DLG2: variants seen among roughly 807,000 people sequenced by gnomAD.
DLG2 encodes discs large MAGUK scaffold protein 2.
A neutral mutation model predicts 132.5 loss-of-function variants in DLG2; 45 were observed. That is an observed-to-expected ratio of 0.34 (90% CI 0.27 to 0.44). The LOEUF (loss-of-function observed/expected upper bound fraction) is 0.44, where lower values mean the gene tolerates loss of function less well. Among genes scored for constraint, DLG2 ranks in the 20% least tolerant of loss-of-function variants. The probability of loss-of-function intolerance (pLI) is 1.00; values close to 1 mark genes in which losing one functional copy is unlikely to be tolerated. For missense variants in DLG2, 1,045 were observed against 1,196.9 expected (o/e 0.87, Z 1.87); for synonymous variants, 424 against 419.6 (o/e 1.01, Z -0.13).
chr11:85,238,164 C>T lies in DLG2; in HGVS notation c.186+47056G>A, dbSNP rs138430221. ...TCTGCTGCCTATTGGTCAGAGGCTG[C>T]TTTTCCTATTATCTTAACTTTTTTT... is the stretch of plus-strand genomic sequence containing the variant. On this transcript the variant is annotated intron_variant, in intron 4 of 27. Coordinates refer to ENST00000376104, the MANE Select transcript of DLG2 (RefSeq NM_001142699.3). 3.5e-3 allele frequency among the ~76,000 whole-genome samples: 528 copies of T among 150,656 alleles called. 3 individuals are homozygous for T. Among genetic ancestry groups the T allele is most frequent in the African/African-American group, 0.013 (518 of 41,208 alleles).
intron 7 of DLG2, among the ~76,000 whole-genome samples, chr11:84,358,687 G>T (rs1046977256): frequency 2.0e-5 from 3 of 151,842 alleles, no homozygotes; most frequent in Non-Finnish European, 4.4e-5. Context: ...GTCAGGAAAT[G>T]TTCTGTTCCA....
At chr11:85,624,065 A>G (rs1258309787) in intron 2 of DLG2, among the ~76,000 whole-genome samples, 2 of 152,100 alleles carry the variant, frequency 1.3e-5, no homozygotes, top group African/African-American at 4.8e-5. Flanking sequence ...ACTGCTGAGG[A>G]AAAAAAACCT....
chr11:83,535,225 T>A (rs1281034159), intron 20 of DLG2, among the ~76,000 whole-genome samples: 2 of 152,228 alleles, frequency 1.3e-5, no homozygotes, highest in Non-Finnish European at 1.5e-5. Flanking sequence ...TATTTCAGCT[T>A]CTTTGCATTA....
intron 19 of DLG2, among the ~76,000 whole-genome samples, chr11:83,560,768 GA>G (rs1217432003): frequency 9.2e-5 from 14 of 152,174 alleles, no homozygotes; most frequent in Non-Finnish European, 1.8e-4. Context: ...TCAAGAGGGG[GA>G]AAAAACTATT....
At chr11:85,552,429 C>T (rs913305445) in intron 3 of DLG2, among the ~76,000 whole-genome samples, 1 of 151,468 alleles carries the variant, frequency 6.6e-6, no homozygotes, top group Middle Eastern at 3.4e-3. Flanking sequence ...TTTTCACTTA[C>T]CAAAAGGGAG....
intron 4 of DLG2, among the ~76,000 whole-genome samples, chr11:85,175,675 C>A (rs1230796926): frequency 1.3e-5 from 2 of 152,152 alleles, no homozygotes; most frequent in African/African-American, 4.8e-5. Context: ...GTCAAATTAT[C>A]TTTCTTTGCA....
At chr11:84,944,588 T>TA (rs1332310687) in intron 6 of DLG2, among the ~76,000 whole-genome samples, 1 of 148,150 alleles carries the variant, frequency 6.7e-6, no homozygotes, top group Non-Finnish European at 1.5e-5. Context: ...TGTTTTTAAT[T>TA]ATTTCAGTCT....
At chr11:83,947,450 A>C (rs11233842) in intron 14 of DLG2, among the ~76,000 whole-genome samples, 4,387 of 152,242 alleles carry the variant, frequency 0.029, 123 homozygotes, top group East Asian at 0.15. Context: ...GTGTAGTGTA[A>C]ATGTATGTTT....
chr11:85,092,188 T>C (rs1387253130), intron 6 of DLG2, among the ~76,000 whole-genome samples: 1 of 152,180 alleles, frequency 6.6e-6, no homozygotes, highest in South Asian at 2.1e-4. Flanking sequence ...ATTAGGTGCT[T>C]TATCAATAAG....
intron 4 of DLG2, among the ~76,000 whole-genome samples, chr11:85,226,389 T>A (rs2074978462): frequency 6.6e-6 from 1 of 151,938 alleles, no homozygotes; most frequent in African/African-American, 2.4e-5. Context: ...TATGAAAAAT[T>A]TCGTTATTCA....
intron 18 of DLG2, among the ~76,000 whole-genome samples, chr11:83,732,343 G>C (rs1212448114): frequency 6.6e-6 from 1 of 152,150 alleles, no homozygotes; most frequent in Non-Finnish European, 1.5e-5. Flanking sequence ...CAGATGCCAG[G>C]TGACCTTCAA....
intron 6 of DLG2, among the ~76,000 whole-genome samples, chr11:84,672,196 C>G (rs915198613): frequency 4.6e-5 from 7 of 152,084 alleles, no homozygotes; most frequent in Non-Finnish European, 8.8e-5. Flanking sequence ...ACGGAGGATG[C>G]TAGTCACCCA....
At chr11:84,168,092 T>C (rs934992186) in intron 8 of DLG2, among the ~76,000 whole-genome samples, 1 of 152,202 alleles carries the variant, frequency 6.6e-6, no homozygotes, top group Non-Finnish European at 1.5e-5. Flanking sequence ...TAAGCATGCA[T>C]AAAGTGTCAA....
intron 6 of DLG2, among the ~76,000 whole-genome samples, chr11:85,017,994 T>C (rs761517600): frequency 1.3e-5 from 2 of 152,164 alleles, no homozygotes. Flanking sequence ...TATGGACTAA[T>C]GATATAAGTG....
chr11:83,506,702 C>T (rs2139545258), intron 21 of DLG2, among the ~76,000 whole-genome samples: 1 of 152,224 alleles, frequency 6.6e-6, no homozygotes, highest in African/African-American at 2.4e-5. Context: ...GAAGCTGTTT[C>T]TTCTGGCAAA....
intron 4 of DLG2, among the ~76,000 whole-genome samples, chr11:85,244,485 T>A (rs2076041748): frequency 6.6e-6 from 1 of 151,974 alleles, no homozygotes; most frequent in South Asian, 2.1e-4. Flanking sequence ...AAAAATTGTA[T>A]GTGTCACTGC....
chr11:85,533,484 T>C (rs1407385541), intron 3 of DLG2, among the ~76,000 whole-genome samples: 1 of 149,310 alleles, frequency 6.7e-6, no homozygotes, highest in African/African-American at 2.4e-5. Context: ...TATAATTCTT[T>C]TTAATAGCTG....
At position 83,970,347 on chromosome 11, in the gene DLG2, T is replaced by A. The variant is rs11233867; in HGVS notation, c.1057-4879A>T. On this transcript the variant is annotated intron_variant, in intron 12 of 27. Coordinates refer to ENST00000376104, the MANE Select transcript of DLG2 (RefSeq NM_001142699.3). ...GAGTCTTCAGACCACGAGGAAAATT[T>A]TTAGACCATAAAGCAGAAGTTGAGG... Among the ~76,000 whole-genome samples the A allele has an allele frequency of 1.3e-3, 205 of 152,264 alleles. 5 individuals are homozygous for A. The East Asian group carries it at 0.033, about 25-fold the overall frequency.
chr11:84,975,133 T>C (rs935821418), intron 6 of DLG2, among the ~76,000 whole-genome samples: 2 of 152,138 alleles, frequency 1.3e-5, no homozygotes, highest in South Asian at 2.1e-4. Context: ...TGGGGATGAA[T>C]AGGGATTACT....
Sources: allele counts gnomAD v4.1 joint callset (sites outside exome capture counted in the v4.1 genomes callset), GRCh38; gene constraint gnomAD v4.1.1; transcripts MANE v1.5; gene names NCBI Gene and HGNC (gene_info 2026-07-23, HGNC 2026-07-21).